Variants in PPFIA3 observed in about 807,000 individuals in gnomAD.
PPFIA3 encodes liprin-alpha-3.
Under a neutral mutation model 145.8 loss-of-function variants are expected in PPFIA3, and 26 were observed. That is an observed-to-expected ratio of 0.18 (90% CI 0.13 to 0.25). The LOEUF is 0.25. Ranked by LOEUF, PPFIA3 falls within the 10% of genes least tolerant of loss-of-function variation. PPFIA3 has a pLI of 1.00. For synonymous variants in PPFIA3, 645 were observed against 661.4 expected (o/e 0.98, Z 0.38); for missense variants, 1,008 against 1,587.8 (o/e 0.63, Z 6.21).
Position 49,129,783 on chromosome 19 carries a change from G to C in PPFIA3, c.583-210G>C, listed in dbSNP as rs534458329. ...TTTGTCCAGGAGGCTAAGGGGAAGA[G>C]TAAGGGTAGACGCCCTCCGTGGTGG... On this transcript the variant is annotated intron_variant, in intron 5 of 29. Transcript: ENST00000334186. Among the ~76,000 whole-genome samples, 65 of 152,306 alleles carry C rather than the reference G, an allele frequency of 4.3e-4. 1 individual carries two copies. Among genetic ancestry groups the C allele is most frequent in the African/African-American group, 1.5e-3 (63 of 41,546 alleles).
Position 49,128,698 on chromosome 19 carries a change from C to G in PPFIA3, c.343-150C>G. On this transcript the variant is annotated intron_variant, in intron 3 of 29. Coordinates refer to ENST00000334186, the MANE Select transcript of PPFIA3 (RefSeq NM_003660.4). This position sits in a 1 kb window ranked among gnomAD's most constrained non-coding sequence, Gnocchi z 4.1. ...TTCTGTACCACCGGTTCCTTGACCC[C>G]GACCTCCTCTCTTTTCCTGACCTGT... 1 of 866,236 alleles carries G rather than the reference C, an allele frequency of 1.2e-6. No individual in the cohort carries two copies. Among genetic ancestry groups the G allele is most frequent in the Non-Finnish European group, 1.8e-6 (1 of 569,800 alleles). The allele number at this position is 866,236 out of a possible 1,614,324, so 53.7% of individuals were successfully genotyped here. A position where few individuals can be genotyped will look rare whatever the true frequency, so the allele number is the denominator to read the frequency against.
At chr19:49,146,107 C>T (rs2041277446) in intron 22 of PPFIA3, 59 bp from the exon 23 acceptor site, 1 of 1,610,534 alleles carries the variant, frequency 6.2e-7, no homozygotes, top group Non-Finnish European at 8.5e-7. Flanking sequence ...CTCCTTGCGT[C>T]CTCCTCTGCC....
chr19:49,125,960 GT>G (rs113558397), intron 1 of PPFIA3, among the ~76,000 whole-genome samples: 1 of 149,176 alleles, frequency 6.7e-6, no homozygotes, highest in Admixed American at 6.7e-5. Context: ...TGTTTGTTTT[GT>G]TTTTTTTTGA....
At chr19:49,129,067 C>G in intron 4 of PPFIA3, 55 bp downstream of exon 4, 1 of 1,509,548 alleles carries the variant, frequency 6.6e-7, no homozygotes, top group Non-Finnish European at 8.9e-7. Flanking sequence ...TTGACTGGGG[C>G]TGTTCTGAGT....
At position 49,138,303 on chromosome 19, in the gene PPFIA3, G is replaced by A. The variant is rs777957904; in HGVS notation, c.1952G>A (p.Ser651Asn). 1.2e-6 allele frequency: 2 copies of A among 1,613,120 alleles called. No homozygotes were observed. The highest frequency in any genetic ancestry group is 1.3e-5 in the African/African-American group (1 of 74,916). The change falls in exon 16 of 30, where the codon AGC becomes AAC. Residue 651 changes from serine (S) to asparagine (N), a missense_variant. Coordinates refer to ENST00000334186, the MANE Select transcript of PPFIA3 (RefSeq NM_003660.4). ...SGLDSLGRYRSSCSLPPSLTT... is the reference protein window; with the variant it reads ...SGLDSLGRYRNSCSLPPSLTT... ...TTGGACTCGTTGGGCCGCTACCGCAGCAGCTGCTCCCTGCCCCCCTCCCTC... is the reference window on the plus strand; with the variant it reads ...TTGGACTCGTTGGGCCGCTACCGCAACAGCTGCTCCCTGCCCCCCTCCCTC...
In PPFIA3 at chr19:49,130,811, G is replaced by A. The variant is rs895433042; in HGVS notation, c.879+212G>A. Among the ~76,000 whole-genome samples, 1 of 152,166 alleles carries A rather than the reference G, an allele frequency of 6.6e-6. No individual in the cohort carries two copies. Among genetic ancestry groups the A allele is most frequent in the Non-Finnish European group, 1.5e-5 (1 of 68,040 alleles). ...CAGAGTAGGCGCTCCATAACTGCTC[G>A]TAATTACTTTGTTACCTAACTTTGG... On this transcript the variant is annotated intron_variant, in intron 7 of 29. Transcript: ENST00000334186. The surrounding 1 kb of genome is among the most constrained non-coding windows in gnomAD (Gnocchi z 4.5).
chr19:49,143,083 C>T (rs1217892598), intron 21 of PPFIA3, 79 bp downstream of exon 21: 4 of 1,461,550 alleles, frequency 2.7e-6, no homozygotes, highest in Non-Finnish European at 3.7e-6. Context: ...AATCCTGGGC[C>T]TGCTCACTCC....
rs1487697057 is a variant in PPFIA3 at position 49,149,947 on chromosome 19, G to C, written c.3527-133G>C. The C allele has an allele frequency of 1.7e-6, 2 of 1,203,718 alleles. No individual in the cohort carries two copies. The highest frequency in any genetic ancestry group is 2.2e-5 in the Admixed American group (1 of 44,874). 74.6% of individuals were successfully genotyped at this position (1,203,718 alleles called of 1,614,324 possible). On this transcript the variant is annotated intron_variant, in intron 28 of 29. Coordinates refer to ENST00000334186, the MANE Select transcript of PPFIA3 (RefSeq NM_003660.4). This position sits in a 1 kb window ranked among gnomAD's most constrained non-coding sequence, Gnocchi z 5.7. ...ATGCGAGTTTGAGTCCTTGGCTGCG[G>C]GGAAGGGAGGGAAACCCATGTGGAG...
intron 1 of PPFIA3, among the ~76,000 whole-genome samples, chr19:49,122,139 GCT>G (rs1208331650): frequency 1.4e-5 from 2 of 144,054 alleles, no homozygotes; most frequent in African/African-American, 5.3e-5. Flanking sequence ...GGAGTGCAAT[GCT>G]GCGATCTTGG....
rs10405553 is a variant in PPFIA3 at position 49,143,593 on chromosome 19, G to A, written c.2745+589G>A. ...TTGACACGTTGGCCAGACTGGTCTT[G>A]AACTCCCGACCTCAGGTGATCCGCC... On this transcript the variant is annotated intron_variant, in intron 21 of 29. Coordinates refer to ENST00000334186, the MANE Select transcript of PPFIA3 (RefSeq NM_003660.4). Among the ~76,000 whole-genome samples, 742 of 152,224 alleles carry A rather than the reference G, an allele frequency of 4.9e-3. 7 individuals carry two copies. Among genetic ancestry groups the A allele is most frequent in the African/African-American group, 0.017 (694 of 41,522 alleles).
chr19:49,135,744 C>T, intron 13 of PPFIA3, 35 bp from the exon 14 acceptor site: 1 of 1,578,876 alleles, frequency 6.3e-7, no homozygotes, highest in Middle Eastern at 1.7e-4. Context: ...TTTTCCTGAC[C>T]CCTTGGTCTC....
chr19:49,125,100 G>C (rs2040981386), intron 1 of PPFIA3, among the ~76,000 whole-genome samples: 1 of 151,252 alleles, frequency 6.6e-6, no homozygotes, highest in African/African-American at 2.4e-5. Flanking sequence ...TTGGTTTTTT[G>C]CCTATGGCTG....
rs1381938836 is a variant in PPFIA3 at position 49,133,953 on chromosome 19, G to C, written c.1245+74G>C. 1 of 1,607,016 alleles carries C rather than the reference G, an allele frequency of 6.2e-7. No individual in the cohort carries two copies. The highest frequency in any genetic ancestry group is 2.2e-5 in the East Asian group (1 of 44,784). ...GGAGCTTAATAAGGAGGCTGGGCTG[G>C]GCCCGGGGGTGGGGCTTAGAGGAAG... is the stretch of plus-strand genomic sequence containing the variant. On this transcript the variant is annotated intron_variant, in intron 10 of 29. Transcript: ENST00000334186. This position sits in a 1 kb window ranked among gnomAD's most constrained non-coding sequence, Gnocchi z 7.2.
In PPFIA3 at chr19:49,136,705, TG is replaced by T; in HGVS notation, c.1666-18del. On this transcript the variant is annotated intron_variant, in intron 14 of 29. Coordinates refer to ENST00000334186, the MANE Select transcript of PPFIA3 (RefSeq NM_003660.4). The stretch of plus-strand genomic sequence containing the variant: ...GGCCCCCAGCCACCTAATGTCCCTC[TG>T]TCCCCACACAGGGATAGGATTGGGA... 1 of 1,405,526 alleles carries T rather than the reference TG, an allele frequency of 7.1e-7. No individual in the cohort carries two copies. The highest frequency in any genetic ancestry group is 9.4e-7 in the Non-Finnish European group (1 of 1,061,670). 87.1% of individuals were successfully genotyped at this position (1,405,526 alleles called of 1,614,324 possible).
intron 4 of PPFIA3, 136 bp from the exon 5 acceptor site, chr19:49,129,244 G>T: frequency 2.0e-6 from 2 of 1,015,274 alleles, no homozygotes; most frequent in Non-Finnish European, 2.8e-6. Context: ...AGCTGGTTGC[G>T]GCTGCATACC....
intron 1 of PPFIA3, among the ~76,000 whole-genome samples, chr19:49,121,879 C>T (rs946126224): frequency 6.6e-6 from 1 of 151,398 alleles, no homozygotes; most frequent in African/African-American, 2.4e-5. Flanking sequence ...TCAAGGGATC[C>T]TTCTCTGTTG....
At chr19:49,136,932 G>A (rs1438195617) in intron 15 of PPFIA3, 21 bp downstream of exon 15, 21 of 1,489,792 alleles carry the variant, frequency 1.4e-5, no homozygotes, top group African/African-American at 1.1e-4. Flanking sequence ...GCCCCGCCCC[G>A]GCCTGCCCTG....
chr19:49,149,470 GA>G lies in PPFIA3; in HGVS notation c.3355-76del. The G allele has an allele frequency of 6.3e-7, 1 of 1,593,660 alleles. No individual in the cohort carries two copies. Among genetic ancestry groups the G allele is most frequent in the South Asian group, 1.1e-5 (1 of 90,172 alleles). ...GGTTAAAGGAGAGGTGAGACCCGGAGAGGGGTGGAGTCAAAGGAAGGGGCGG... is the reference window on the plus strand; with the variant it reads ...GGTTAAAGGAGAGGTGAGACCCGGAGGGGGTGGAGTCAAAGGAAGGGGCGG... On this transcript the variant is annotated intron_variant, in intron 27 of 29. Transcript: ENST00000334186. The surrounding 1 kb of genome is among the most constrained non-coding windows in gnomAD (Gnocchi z 5.7).
chr19:49,137,628 C>CAAAAAAAAAA lies in PPFIA3; in HGVS notation c.1854-556_1854-547dup, dbSNP rs3032695. ...TGGGCTACAGAGCGAGACTCCGTGT[C>CAAAAAAAAAA]AAAAAAAAAAAAAAAAAAAAAAAAA... is the stretch of plus-strand genomic sequence containing the variant. On this transcript the variant is annotated intron_variant, in intron 15 of 29. Coordinates refer to ENST00000334186, the MANE Select transcript of PPFIA3 (RefSeq NM_003660.4). Among the ~76,000 whole-genome samples the CAAAAAAAAAA allele has an allele frequency of 1.2e-3, 51 of 43,780 alleles. 4 individuals are homozygous for CAAAAAAAAAA. The highest frequency in any genetic ancestry group is 8.4e-3 in the East Asian group (9 of 1,070). The allele number at this position is 43,780 out of a possible 152,430, so 28.7% of individuals were successfully genotyped here.
Sources: gnomAD v4.1 joint callset for allele counts (sites outside exome capture counted in the v4.1 genomes callset) on GRCh38, gnomAD v4.1.1 for gene constraint, Gnocchi (gnomAD v3.1) non-coding constraint, MANE v1.5 for transcripts, NCBI Gene and HGNC (gene_info 2026-07-23, HGNC 2026-07-21) for gene names.